Variants in NT5DC1 observed in about 807,000 individuals in gnomAD.
The protein encoded by NT5DC1 is 5'-nucleotidase domain-containing protein 1.
Under a neutral mutation model 59.4 loss-of-function variants are expected in NT5DC1, and 42 were observed. The observed-to-expected ratio is 0.71, with a 90% CI of 0.55 to 0.92. NT5DC1 has a LOEUF of 0.92. Among genes scored for constraint, NT5DC1 ranks in the 40% least tolerant of loss-of-function variants. The pLI, the probability that NT5DC1 is intolerant of heterozygous loss-of-function variation, is 0.00. For missense variants in NT5DC1, 501 were observed against 537.1 expected (o/e 0.93, Z 0.66); for synonymous variants, 172 against 188.1 (o/e 0.91, Z 0.70).
intron 6 of NT5DC1, among the ~76,000 whole-genome samples, chr6:116,127,189 C>G (rs983400371): frequency 3.3e-5 from 5 of 152,114 alleles, no homozygotes; most frequent in African/African-American, 1.2e-4. Context: ...GGATTCAGGA[C>G]TAATCAATAA....
chr6:116,152,582 C>A (rs1780072591), intron 6 of NT5DC1, among the ~76,000 whole-genome samples: 1 of 152,130 alleles, frequency 6.6e-6, no homozygotes, highest in African/African-American at 2.4e-5. Context: ...GGACTTTCAT[C>A]CTCTGTGCTT....
chr6:116,146,028 GTCC>G (rs1326098879), intron 6 of NT5DC1, among the ~76,000 whole-genome samples: 1 of 152,318 alleles, frequency 6.6e-6, no homozygotes, highest in Admixed American at 6.5e-5. Flanking sequence ...GTAAAAGGAT[GTCC>G]TCCTCGTTTT....
chr6:116,141,885 AACACAC>A (rs3051942), intron 6 of NT5DC1, among the ~76,000 whole-genome samples: 21,837 of 140,274 alleles, frequency 0.16, 1,753 homozygotes, highest in East Asian at 0.25. Context: ...CCAAAAAGAA[AACACAC>A]ACACACACAC....
chr6:116,194,766 G>A lies in NT5DC1; in HGVS notation c.530-26288G>A, dbSNP rs550202471. Among the ~76,000 whole-genome samples the A allele has an allele frequency of 4.6e-5, 7 of 152,136 alleles. No individual in the cohort carries two copies. The East Asian group carries it at 1.4e-3, about 30-fold the overall frequency. On this transcript the variant is annotated intron_variant, in intron 6 of 11. Transcript: ENST00000319550. Reference sequence around the variant, plus strand: ...GAAGAGTTAGAAACAAATGACTAAAGGTAGTGGCTTTTGGGTACAATGCTG... The same window carrying A: ...GAAGAGTTAGAAACAAATGACTAAAAGTAGTGGCTTTTGGGTACAATGCTG...
intron 6 of NT5DC1, among the ~76,000 whole-genome samples, chr6:116,147,456 A>T (rs552906450): frequency 5.9e-5 from 9 of 152,204 alleles, no homozygotes; most frequent in East Asian, 3.9e-4. Flanking sequence ...AAGAAAAAAA[A>T]AATAAAAAGA....
chr6:116,216,463 G>A (rs1781689400), intron 6 of NT5DC1, among the ~76,000 whole-genome samples: 1 of 151,512 alleles, frequency 6.6e-6, no homozygotes, highest in African/African-American at 2.4e-5. Context: ...GTAGGGCCGG[G>A]ATATGCAAAT....
intron 6 of NT5DC1, among the ~76,000 whole-genome samples, chr6:116,140,238 C>T (rs1419950936): frequency 6.6e-6 from 1 of 152,152 alleles, no homozygotes; most frequent in Non-Finnish European, 1.5e-5. Flanking sequence ...CTAAAGCCAT[C>T]AACTTATGCT....
chr6:116,196,519 T>C (rs1436812493), intron 6 of NT5DC1, among the ~76,000 whole-genome samples: 1 of 152,094 alleles, frequency 6.6e-6, no homozygotes, highest in Non-Finnish European at 1.5e-5. Flanking sequence ...TGGTTTTTAA[T>C]AGCACAAAGA....
chr6:116,108,399 A>G lies in NT5DC1; in HGVS notation c.221A>G (p.Asn74Ser). 1 of 1,609,832 alleles carries G rather than the reference A, an allele frequency of 6.2e-7. No individual in the cohort carries two copies. Among genetic ancestry groups the G allele is most frequent in the East Asian group, 2.2e-5 (1 of 44,770 alleles). Residue 74 changes from asparagine to serine, a missense_variant, in exon 3 of 12, where the codon AAC (asparagine) becomes AGC (serine). Physicochemically the swap from Asn to Ser is conservative, Grantham distance 46. Transcript: ENST00000319550. ...KGLALDLEDGNFLKLANNGTV... is the reference protein window; with the variant it reads ...KGLALDLEDGSFLKLANNGTV... ...TTGGCATTGGATCTAGAAGATGGGA[A>G]CTTCCTTAAACTTGCAAATAATGGC...
chr6:116,210,001 C>T (rs1318649898), intron 6 of NT5DC1, among the ~76,000 whole-genome samples: 1 of 151,888 alleles, frequency 6.6e-6, no homozygotes, highest in Non-Finnish European at 1.5e-5. Context: ...ATTCCATACC[C>T]AAGTTTGTTA....
At chr6:116,221,303 G>C (rs1781799754) in intron 7 of NT5DC1, 75 bp downstream of exon 7, 1 of 873,550 alleles carries the variant, frequency 1.1e-6, no homozygotes, top group Non-Finnish European at 1.8e-6. Flanking sequence ...TTTTTTAAAA[G>C]TGTCAGCCAT....
intron 6 of NT5DC1, among the ~76,000 whole-genome samples, chr6:116,154,285 G>T (rs1426071467): frequency 6.6e-6 from 1 of 152,152 alleles, no homozygotes; most frequent in Non-Finnish European, 1.5e-5. Flanking sequence ...CATAGCTGGA[G>T]TAGGTTTCGT....
chr6:116,206,615 T>G (rs905015231), intron 6 of NT5DC1, among the ~76,000 whole-genome samples: 6 of 152,000 alleles, frequency 3.9e-5, no homozygotes, highest in African/African-American at 1.4e-4. Flanking sequence ...GCAACAGCTG[T>G]TTCTTAATGA....
At chr6:116,213,230 C>G (rs1337412583) in intron 6 of NT5DC1, among the ~76,000 whole-genome samples, 1 of 152,048 alleles carries the variant, frequency 6.6e-6, no homozygotes, top group Non-Finnish European at 1.5e-5. Flanking sequence ...GGACAGTAGT[C>G]TTCTGAAGGC....
intron 4 of NT5DC1, among the ~76,000 whole-genome samples, chr6:116,112,695 A>G (rs1486131259): frequency 6.6e-6 from 1 of 152,214 alleles, no homozygotes; most frequent in Non-Finnish European, 1.5e-5. Flanking sequence ...GTGTTTCACC[A>G]TTACAAACAA....
At chr6:116,184,464 G>A (rs760723556) in intron 6 of NT5DC1, among the ~76,000 whole-genome samples, 2 of 151,854 alleles carry the variant, frequency 1.3e-5, no homozygotes, top group Non-Finnish European at 2.9e-5. Context: ...AATTGGATTG[G>A]TACCAATTCT....
chr6:116,119,734 C>A, intron 6 of NT5DC1: 1 of 224,568 alleles, frequency 4.5e-6, no homozygotes. Flanking sequence ...TAACTTAGAG[C>A]TCTATTTCTG....
intron 1 of NT5DC1, 40 bp downstream of exon 1, chr6:116,101,063 C>T (rs1312731116): frequency 4.9e-6 from 7 of 1,438,502 alleles, no homozygotes; most frequent in East Asian, 2.5e-5. Context: ...CGCGCAACCT[C>T]CATGGCGGCT....
chr6:116,125,118 G>C (rs1190340835), intron 6 of NT5DC1, among the ~76,000 whole-genome samples: 2 of 152,078 alleles, frequency 1.3e-5, no homozygotes, highest in African/African-American at 4.8e-5. Context: ...ATTTTTTGCA[G>C]GTATATCTTT....
Sources: allele counts gnomAD v4.1 joint callset (sites outside exome capture counted in the v4.1 genomes callset), GRCh38; gene constraint gnomAD v4.1.1; transcripts MANE v1.5; gene names NCBI Gene and HGNC (gene_info 2026-07-23, HGNC 2026-07-21).